The following PID1 variants were observed in gnomAD, a reference collection of about 807,000 sequenced individuals.
PID1 encodes the protein PTB-containing, cubilin and LRP1-interacting protein.
In PID1, 10 loss-of-function variants were observed where a neutral mutation model predicts 19.1. The ratio of observed to expected loss-of-function variants is 0.52; its 90% CI spans 0.32 to 0.89. The LOEUF is 0.89. PID1 is among the 40% of genes least tolerant of loss of function. The pLI is 0.03. For missense variants in PID1, 248 were observed against 285.3 expected, an observed-to-expected ratio of 0.87 and a Z score of 0.94; for synonymous variants, 130 against 116.0, an observed-to-expected ratio of 1.12 and a Z score of -0.78.
At chr2:229,198,592 T>C (rs1190776682) in intron 1 of PID1, among the ~76,000 whole-genome samples, 1 of 152,042 alleles carries the variant, frequency 6.6e-6, no homozygotes, top group Non-Finnish European at 1.5e-5. Context: ...CCAAAAACCA[T>C]GTCATCCATC....
chr2:229,081,300 T>C (rs1694664285), intron 2 of PID1, among the ~76,000 whole-genome samples: 1 of 152,238 alleles, frequency 6.6e-6, no homozygotes, highest in Non-Finnish European at 1.5e-5. Flanking sequence ...ACATGATTAC[T>C]ATGCTTAAGA....
chr2:229,063,059 CA>C, intron 2 of PID1, among the ~76,000 whole-genome samples: 1 of 151,940 alleles, frequency 6.6e-6, no homozygotes, highest in Non-Finnish European at 1.5e-5. Flanking sequence ...TTTACCTTTT[CA>C]AAGAACCAAA....
intron 2 of PID1, among the ~76,000 whole-genome samples, chr2:229,042,443 A>C (rs929687206): frequency 2.0e-5 from 3 of 152,142 alleles, no homozygotes; most frequent in African/African-American, 7.2e-5. Flanking sequence ...CTGAAGAGTA[A>C]ATTTAAGATA....
chr2:229,131,478 A>G (rs1381524519), intron 2 of PID1, among the ~76,000 whole-genome samples: 1 of 152,172 alleles, frequency 6.6e-6, no homozygotes, highest in East Asian at 1.9e-4. Flanking sequence ...TGATCCACCC[A>G]TCTCAGCCTC....
intron 2 of PID1, among the ~76,000 whole-genome samples, chr2:229,149,722 A>G (rs1481715311): frequency 1.3e-5 from 2 of 152,180 alleles, no homozygotes; most frequent in African/African-American, 4.8e-5. Context: ...TAGCGGCTTT[A>G]GACTGGGCTT....
At chr2:229,059,381 A>C (rs761615366) in intron 2 of PID1, among the ~76,000 whole-genome samples, 6 of 152,270 alleles carry the variant, frequency 3.9e-5, no homozygotes, top group Non-Finnish European at 8.8e-5. Flanking sequence ...ATGGCAATAC[A>C]TGAAAGCATC....
chr2:229,257,628 C>T (rs1345225515), intron 1 of PID1, among the ~76,000 whole-genome samples: 1 of 152,196 alleles, frequency 6.6e-6, no homozygotes. Flanking sequence ...TATGCCACAT[C>T]GTTTCCTTAC....
intron 1 of PID1, among the ~76,000 whole-genome samples, chr2:229,253,591 C>CAAAAA (rs59530496): frequency 7.8e-6 from 1 of 128,502 alleles, no homozygotes; most frequent in Non-Finnish European, 1.7e-5. Context: ...AAATTCCAAG[C>CAAAAA]AAAAAAAAAA....
intron 2 of PID1, among the ~76,000 whole-genome samples, chr2:229,050,031 A>G (rs1240746533): frequency 6.6e-6 from 1 of 152,226 alleles, no homozygotes; most frequent in Non-Finnish European, 1.5e-5. Context: ...AACGTTAATT[A>G]TAACAGAGGA....
Position 229,025,531 on chromosome 2 carries a change from G to GT in PID1, c.*100dup. On this transcript the variant is annotated 3_prime_UTR_variant, in exon 3 of 3. Transcript: ENST00000392055. ...ATTTAAAAACCTTGGTCAGCCAATA[G>GT]TTTGGCAGTCTTTTCATCCCAAATT... 3.6e-6 allele frequency: 3 copies of GT among 837,120 alleles called. No individual in the cohort carries two copies. Among genetic ancestry groups the GT allele is most frequent in the Non-Finnish European group, 5.9e-6 (3 of 512,096 alleles). The allele number at this position is 837,120 out of a possible 1,614,324, so 51.9% of individuals were successfully genotyped here.
intron 1 of PID1, among the ~76,000 whole-genome samples, chr2:229,212,231 C>T (rs6705522): frequency 0.99 from 150,608 of 152,316 alleles, 74,474 homozygotes; most frequent in East Asian, 1. Context: ...TTTTCCTCAA[C>T]GCCCTTGAAT....
intron 2 of PID1, among the ~76,000 whole-genome samples, chr2:229,141,493 T>C (rs1690010740): frequency 6.6e-6 from 1 of 152,160 alleles, no homozygotes; most frequent in South Asian, 2.1e-4. Context: ...ATGAATAGAC[T>C]AATAGGAAAG....
intron 1 of PID1, among the ~76,000 whole-genome samples, chr2:229,243,185 C>T (rs1689918688): frequency 6.6e-6 from 1 of 152,064 alleles, no homozygotes; most frequent in African/African-American, 2.4e-5. Flanking sequence ...GGGAAAGTAC[C>T]ATTTTTAAAG....
At chr2:229,220,621 G>A (rs370235507) in intron 1 of PID1, among the ~76,000 whole-genome samples, 14 of 152,058 alleles carry the variant, frequency 9.2e-5, no homozygotes, top group Admixed American at 1.3e-4. Context: ...GAGTTCAGTC[G>A]GCCCCCCTGC....
intron 2 of PID1, among the ~76,000 whole-genome samples, chr2:229,056,816 C>T (rs536129562): frequency 8.0e-4 from 122 of 152,164 alleles, no homozygotes; most frequent in Middle Eastern, 6.8e-3. Context: ...GGTTCATCCT[C>T]TAATACACTC....
At chr2:229,198,549 T>C (rs1691426449) in intron 1 of PID1, among the ~76,000 whole-genome samples, 1 of 152,070 alleles carries the variant, frequency 6.6e-6, no homozygotes, top group East Asian at 1.9e-4. Flanking sequence ...ATCTTGAAAT[T>C]GATATGTCCC....
At chr2:229,098,317 C>T (rs1015164828) in intron 2 of PID1, among the ~76,000 whole-genome samples, 1 of 151,988 alleles carries the variant, frequency 6.6e-6, no homozygotes, top group Non-Finnish European at 1.5e-5. Context: ...GCACGATGTA[C>T]AAAGCAAAAG....
At chr2:229,117,473 G>T (rs147436925) in intron 2 of PID1, among the ~76,000 whole-genome samples, 144 of 152,202 alleles carry the variant, frequency 9.5e-4, no homozygotes, top group African/African-American at 3.2e-3. Flanking sequence ...ATCTCCTACT[G>T]GGTCTCTCAT....
chr2:229,168,614 T>C (rs1418089012), intron 1 of PID1, among the ~76,000 whole-genome samples: 1 of 152,192 alleles, frequency 6.6e-6, no homozygotes, highest in Non-Finnish European at 1.5e-5. Flanking sequence ...TTTCCAATAG[T>C]GTTTGATATA....
Sources: gnomAD v4.1 joint callset for allele counts (sites outside exome capture counted in the v4.1 genomes callset) on GRCh38, gnomAD v4.1.1 for gene constraint, MANE v1.5 for transcripts, NCBI Gene and HGNC (gene_info 2026-07-23, HGNC 2026-07-21) for gene names.